The following TTC12 variants were observed in gnomAD, a reference collection of about 807,000 sequenced individuals.
TTC12 encodes tetratricopeptide repeat protein 12.
A neutral mutation model predicts 90.1 loss-of-function variants in TTC12; 70 were observed. That is an observed-to-expected ratio of 0.78 (90% CI 0.64 to 0.95). TTC12 has a LOEUF of 0.95. Among genes scored for constraint, TTC12 ranks in the 40% least tolerant of loss-of-function variants. The pLI, the probability that TTC12 is intolerant of heterozygous loss-of-function variation, is 0.00. For synonymous variants in TTC12, 296 were observed against 311.5 expected, an observed-to-expected ratio of 0.95 and a Z score of 0.53; for missense variants, 819 against 846.1, an observed-to-expected ratio of 0.97 and a Z score of 0.40.
At chr11:113,363,356 G>A (rs1355601693) in intron 19 of TTC12, among the ~76,000 whole-genome samples, 1 of 152,238 alleles carries the variant, frequency 6.6e-6, no homozygotes, top group Non-Finnish European at 1.5e-5. Context: ...GACCCCACAT[G>A]GGTGATTGCA....
At chr11:113,338,648 C>T (rs1179403242) in intron 8 of TTC12, 126 bp from the exon 9 acceptor site, 8 of 669,002 alleles carry the variant, frequency 1.2e-5, no homozygotes, top group African/African-American at 3.6e-5. Context: ...ATGCCTGTCT[C>T]CTGCACTGGG....
chr11:113,317,671 C>T (rs1555136306), intron 2 of TTC12, among the ~76,000 whole-genome samples: 1 of 152,088 alleles, frequency 6.6e-6, no homozygotes, highest in Non-Finnish European at 1.5e-5. Flanking sequence ...CCTCCCATGA[C>T]CTTGTCCTTA....
chr11:113,336,028 C>T (rs1321883981), intron 8 of TTC12, among the ~76,000 whole-genome samples: 1 of 152,166 alleles, frequency 6.6e-6, no homozygotes, highest in Non-Finnish European at 1.5e-5. Context: ...CAGAATTTTA[C>T]ATTCCTACCA....
At chr11:113,337,617 A>G (rs1267264298) in intron 8 of TTC12, among the ~76,000 whole-genome samples, 2 of 152,196 alleles carry the variant, frequency 1.3e-5, no homozygotes, top group Non-Finnish European at 2.9e-5. Flanking sequence ...AGGCTTTTCA[A>G]AGGACTTTGG....
chr11:113,346,923 C>T (rs1555148337), intron 13 of TTC12, among the ~76,000 whole-genome samples: 1 of 152,174 alleles, frequency 6.6e-6, no homozygotes, highest in East Asian at 1.9e-4. Flanking sequence ...CTGTGGTTCA[C>T]TCACAGAGAC....
chr11:113,344,411 C>T lies in TTC12; in HGVS notation c.1125C>T (p.Ser375=). 1 of 1,614,048 alleles carries T rather than the reference C, an allele frequency of 6.2e-7. No homozygotes were observed. Among genetic ancestry groups the T allele is most frequent in the Non-Finnish European group, 8.5e-7 (1 of 1,179,984 alleles). ...TCGCCCAGACTGAGAGCGGACGGAG[C>T]CTGATCATCAACCACCTTGACCTGA... ...LHLAQTESGR[S]LIINHLDLTR... The change falls in exon 13 of 22, where the codon AGC becomes AGT. Residue 375 remains serine, a synonymous_variant. Coordinates refer to ENST00000529221, the MANE Select transcript of TTC12 (RefSeq NM_017868.4).
chr11:113,366,014 G>C (rs1369500407), intron 21 of TTC12, among the ~76,000 whole-genome samples: 1 of 152,212 alleles, frequency 6.6e-6, no homozygotes, highest in Non-Finnish European at 1.5e-5. Flanking sequence ...CCTGCAGCGA[G>C]TGTTTTCAGT....
chr11:113,322,465 A>T (rs1486139602), intron 2 of TTC12, among the ~76,000 whole-genome samples: 1 of 152,200 alleles, frequency 6.6e-6, no homozygotes, highest in Non-Finnish European at 1.5e-5. Flanking sequence ...GCAGTTTTGT[A>T]GTTTTAATAG....
chr11:113,331,071 C>G (rs906993371), intron 7 of TTC12, among the ~76,000 whole-genome samples: 1 of 152,156 alleles, frequency 6.6e-6, no homozygotes, highest in African/African-American at 2.4e-5. Flanking sequence ...GAGAAAGTCA[C>G]CTCTGCTTAT....
At chr11:113,341,603 C>G in intron 11 of TTC12, 2 of 530,286 alleles carry the variant, frequency 3.8e-6, no homozygotes, top group South Asian at 4.1e-5. Flanking sequence ...AGCCATCGCC[C>G]ATGGCCCTGG....
At chr11:113,344,867 G>A (rs1426305581) in intron 13 of TTC12, among the ~76,000 whole-genome samples, 1 of 152,150 alleles carries the variant, frequency 6.6e-6, no homozygotes, top group African/African-American at 2.4e-5. Flanking sequence ...GATGGAGTAT[G>A]AATAAATAAA....
chr11:113,342,847 G>A (rs190410925), intron 12 of TTC12, among the ~76,000 whole-genome samples: 1 of 152,198 alleles, frequency 6.6e-6, no homozygotes, highest in East Asian at 1.9e-4. Context: ...CCAGCTTAGG[G>A]CAGTGTTTTT....
chr11:113,355,737 T>A (rs1396833399), intron 16 of TTC12, among the ~76,000 whole-genome samples: 1 of 152,240 alleles, frequency 6.6e-6, no homozygotes, highest in Non-Finnish European at 1.5e-5. Flanking sequence ...CTAAAGTGAT[T>A]CTGGATCAAG....
intron 12 of TTC12, among the ~76,000 whole-genome samples, chr11:113,344,031 A>T (rs942651913): frequency 7.2e-5 from 11 of 152,192 alleles, no homozygotes; most frequent in Non-Finnish European, 4.4e-5. Context: ...CCCTGTAGGT[A>T]GGAACGTAAT....
Position 113,341,874 on chromosome 11 carries a change from A to G in TTC12, c.934A>G (p.Met312Val), listed in dbSNP as rs1457082801. The G allele has an allele frequency of 6.2e-7, 1 of 1,614,204 alleles. No homozygotes were observed. The highest frequency in any genetic ancestry group is 8.5e-7 in the Non-Finnish European group (1 of 1,180,034). ...STAGNDAVEE[M>V]VCVSVLKLWQ... ...AGCAGGAAATGATGCAGTTGAAGAAATGGTCTGTGTGTCTGTTCTCAAGCT... is the reference window on the plus strand; with the variant it reads ...AGCAGGAAATGATGCAGTTGAAGAAGTGGTCTGTGTGTCTGTTCTCAAGCT... Residue 312 changes from methionine to valine, a missense_variant, in exon 12 of 22, where the codon ATG becomes GTG. Coordinates refer to ENST00000529221, the MANE Select transcript of TTC12 (RefSeq NM_017868.4).
Position 113,364,882 on chromosome 11 carries a change from G to A in TTC12, c.1864G>A (p.Val622Met), listed in dbSNP as rs762424969. Residue 622 changes from valine to methionine, a missense_variant, in exon 21 of 22, where the codon GTG (valine) becomes ATG (methionine). Transcript: ENST00000529221. ...GCTCAGCTCGGAGGATGAGGTTCTG[G>A]TGGGCAACGCTGCCCTCTGCCTTGG... ...KLLSSEDEVL[V>M]GNAALCLGNC... 6.2e-7 allele frequency: 1 copy of A among 1,614,204 alleles called. No homozygotes were observed. Among genetic ancestry groups the A allele is most frequent in the African/African-American group, 1.3e-5 (1 of 75,042 alleles).
intron 2 of TTC12, 140 bp downstream of exon 2, chr11:113,316,455 G>C (rs575198305): frequency 4.7e-6 from 2 of 423,104 alleles, no homozygotes; most frequent in Admixed American, 8.6e-5. Context: ...GAAGGGTATT[G>C]AGAAACAAGT....
At chr11:113,339,950 T>C (rs1394814610) in intron 10 of TTC12, among the ~76,000 whole-genome samples, 2 of 151,948 alleles carry the variant, frequency 1.3e-5, no homozygotes, top group African/African-American at 4.8e-5. Context: ...ACCTCAAGCA[T>C]CCCATACCAC....
intron 2 of TTC12, among the ~76,000 whole-genome samples, chr11:113,319,016 C>T (rs1221224985): frequency 1.3e-5 from 2 of 152,060 alleles, no homozygotes; most frequent in Non-Finnish European, 2.9e-5. Flanking sequence ...CATTTAGTGA[C>T]TTGCTTCCAA....
Sources: gnomAD v4.1 joint callset for allele counts (sites outside exome capture counted in the v4.1 genomes callset) on GRCh38, gnomAD v4.1.1 for gene constraint, MANE v1.5 for transcripts, NCBI Gene and HGNC (gene_info 2026-07-23, HGNC 2026-07-21) for gene names.